Variants in DOCK2 observed in about 807,000 individuals in gnomAD.
DOCK2 encodes the protein dedicator of cytokinesis protein 2.
In DOCK2, 87 loss-of-function variants were observed where a neutral mutation model predicts 248.9. The observed-to-expected ratio is 0.35, with a 90% CI of 0.29 to 0.42. The LOEUF (loss-of-function observed/expected upper bound fraction) is 0.42. DOCK2 is among the 10% of genes least tolerant of loss of function. The pLI is 1.00. For missense variants in DOCK2, 1,747 were observed against 2,300.2 expected (o/e 0.76, Z 4.92); for synonymous variants, 805 against 821.6 (o/e 0.98, Z 0.35).
chr5:169,658,479 C>CAAAAAA (rs5873187), intron 2 of DOCK2, among the ~76,000 whole-genome samples: 5 of 76,014 alleles, frequency 6.6e-5, no homozygotes, highest in Non-Finnish European at 9.5e-5. Context: ...GCCTCCGTCT[C>CAAAAAA]AAAAAAAAAA....
intron 6 of DOCK2, among the ~76,000 whole-genome samples, chr5:169,676,358 C>A (rs1381198368): frequency 6.6e-6 from 1 of 152,054 alleles, no homozygotes; most frequent in Non-Finnish European, 1.5e-5. Context: ...AGTGAGTGGG[C>A]GAATGGTGGT....
In DOCK2 at chr5:170,012,334, C is replaced by G. The variant is rs1016416472; in HGVS notation, c.3232+3588C>G. On this transcript the variant is annotated intron_variant, in intron 32 of 51. Transcript: ENST00000520908. ...GTTTCAAAGGGTGTGAAATAACCAA[C>G]GACCTACGTTTTTTCAAAGATGACT... is the stretch of plus-strand genomic sequence containing the variant. 2.0e-5 allele frequency among the ~76,000 whole-genome samples: 3 copies of G among 152,216 alleles called. No individual in the cohort carries two copies. The South Asian group carries it at 6.2e-4, about 32-fold the overall frequency.
chr5:169,687,853 G>A (rs1453353948), intron 8 of DOCK2, among the ~76,000 whole-genome samples: 1 of 152,102 alleles, frequency 6.6e-6, no homozygotes, highest in Non-Finnish European at 1.5e-5. Context: ...TCCTTGAATG[G>A]CCTATAAAGC....
chr5:169,650,165 A>T (rs1757719580), intron 1 of DOCK2, among the ~76,000 whole-genome samples: 1 of 152,230 alleles, frequency 6.6e-6, no homozygotes, highest in African/African-American at 2.4e-5. Context: ...TCTAGCACCC[A>T]GTAGGTACTA....
chr5:169,894,882 A>C (rs1033336824), intron 27 of DOCK2, among the ~76,000 whole-genome samples: 1 of 152,184 alleles, frequency 6.6e-6, no homozygotes, highest in East Asian at 1.9e-4. Flanking sequence ...CAGAAGTAAT[A>C]AAAACGAAAC....
intron 27 of DOCK2, among the ~76,000 whole-genome samples, chr5:169,928,932 C>T (rs577374381): frequency 7.0e-4 from 106 of 152,298 alleles, no homozygotes; most frequent in Middle Eastern, 3.4e-3. Context: ...CAGATAACTG[C>T]GCTATTAATT....
At chr5:169,663,444 C>T (rs1758554449) in intron 2 of DOCK2, among the ~76,000 whole-genome samples, 1 of 152,226 alleles carries the variant, frequency 6.6e-6, no homozygotes, top group Non-Finnish European at 1.5e-5. Context: ...TGTGTGGGGG[C>T]TCCAACCCCA....
At chr5:169,954,169 A>G (rs1194680271) in intron 27 of DOCK2, among the ~76,000 whole-genome samples, 1 of 152,216 alleles carries the variant, frequency 6.6e-6, no homozygotes, top group Non-Finnish European at 1.5e-5. Flanking sequence ...GTATGTTTAA[A>G]AGAGGTTTTA....
chr5:169,758,390 G>T (rs10062162), intron 23 of DOCK2, among the ~76,000 whole-genome samples: 2 of 152,088 alleles, frequency 1.3e-5, no homozygotes, highest in African/African-American at 4.8e-5. Context: ...AGGAGGATGC[G>T]ATATAGGACT....
At chr5:169,724,397 G>C (rs904482819) in intron 22 of DOCK2, among the ~76,000 whole-genome samples, 2 of 152,204 alleles carry the variant, frequency 1.3e-5, no homozygotes, top group Admixed American at 6.5e-5. Context: ...AATGAATAAA[G>C]AAAAGTTGAC....
rs1168479407 is a variant in DOCK2 at position 169,988,384 on chromosome 5, A to G, written c.2993+2462A>G. ...AGAACAACTATAATCCACGCATTAT[A>G]TAAGAGGAAGCTGAGGTACAGAATA... On this transcript the variant is annotated intron_variant, in intron 29 of 51. Coordinates refer to ENST00000520908, the MANE Select transcript of DOCK2 (RefSeq NM_004946.3). Among the ~76,000 whole-genome samples, 4 of 152,338 alleles carry G rather than the reference A, an allele frequency of 2.6e-5. No individual in the cohort carries two copies. In the East Asian group the frequency reaches 5.8e-4, roughly 22 times the overall value.
chr5:169,658,337 G>T (rs1348773721), intron 2 of DOCK2, among the ~76,000 whole-genome samples: 2 of 151,614 alleles, frequency 1.3e-5, no homozygotes, highest in African/African-American at 2.4e-5. Flanking sequence ...AAAATTAGCC[G>T]GGCGTGGTGG....
intron 27 of DOCK2, among the ~76,000 whole-genome samples, chr5:169,915,557 AACACACACACACACACACACAC>A (rs56728646): frequency 2.8e-5 from 4 of 143,384 alleles, no homozygotes; most frequent in African/African-American, 5.2e-5. Context: ...ATTGACAGGG[AACACACACACACACACACACAC>A]ACACACACAC....
intron 27 of DOCK2, among the ~76,000 whole-genome samples, chr5:169,854,591 A>G (rs1770794473): frequency 6.6e-6 from 1 of 152,252 alleles, no homozygotes; most frequent in Non-Finnish European, 1.5e-5. Context: ...GGAGGTGAAG[A>G]TATTATTCAA....
chr5:169,756,469 TA>T (rs1174463835), intron 23 of DOCK2, among the ~76,000 whole-genome samples: 2 of 151,990 alleles, frequency 1.3e-5, no homozygotes, highest in African/African-American at 2.4e-5. Context: ...AGTGCTTGAG[TA>T]ATGAGATGGG....
chr5:170,005,708 G>A (rs1755005099), intron 30 of DOCK2, among the ~76,000 whole-genome samples: 1 of 151,942 alleles, frequency 6.6e-6, no homozygotes, highest in African/African-American at 2.4e-5. Flanking sequence ...CACTTAAAAA[G>A]TGAATTTTAT....
chr5:169,793,511 A>G (rs1449435063), intron 25 of DOCK2, among the ~76,000 whole-genome samples: 1 of 152,134 alleles, frequency 6.6e-6, no homozygotes, highest in African/African-American at 2.4e-5. Context: ...CATCTGTAAA[A>G]TAGGTATAAT....
At chr5:169,906,146 A>T (rs2113602185) in intron 27 of DOCK2, among the ~76,000 whole-genome samples, 1 of 152,306 alleles carries the variant, frequency 6.6e-6, no homozygotes, top group East Asian at 1.9e-4. Flanking sequence ...TCGTGCAGTA[A>T]ATCCTCAATG....
At chr5:169,880,108 A>T (rs1361435413) in intron 27 of DOCK2, among the ~76,000 whole-genome samples, 2 of 152,204 alleles carry the variant, frequency 1.3e-5, no homozygotes, top group Admixed American at 6.5e-5. Flanking sequence ...AATTGATGAA[A>T]CTTCTGCTTA....
Sources: allele counts gnomAD v4.1 joint callset (sites outside exome capture counted in the v4.1 genomes callset), GRCh38; gene constraint gnomAD v4.1.1; transcripts MANE v1.5; gene names NCBI Gene and HGNC (gene_info 2026-07-23, HGNC 2026-07-21).